Variants in ABAT observed in about 807,000 individuals in gnomAD.
The protein encoded by ABAT is 4-aminobutyrate aminotransferase, mitochondrial.
ABAT carries 45 observed loss-of-function variants against 64.6 expected under a neutral mutation model. The ratio of observed to expected loss-of-function variants is 0.70; its 90% CI spans 0.55 to 0.89. The LOEUF is 0.89. Ranked by LOEUF, ABAT falls within the 40% of genes least tolerant of loss-of-function variation. The probability of loss-of-function intolerance (pLI) is 0.00; values close to 1 mark genes in which losing one functional copy is unlikely to be tolerated. For missense variants in ABAT, 633 were observed against 658.4 expected, an observed-to-expected ratio of 0.96 and a Z score of 0.42; for synonymous variants, 297 against 250.5, an observed-to-expected ratio of 1.19 and a Z score of -1.75.
At position 8,750,436 on chromosome 16, in the gene ABAT, G is replaced by A. The variant is rs748877235; in HGVS notation, c.213G>A (p.Val71=). ...CTTTCTCCAAGAATGCAGAGGCTGT[G>A]CATTTTTTCTGCAATTACGAAGAGA... ...QLNIIQNAEA[V]HFFCNYEESR... is the part of the protein sequence containing the mutation. The change falls in exon 5 of 16, where the codon GTG becomes GTA. Residue 71 remains valine (V), a synonymous_variant. Coordinates refer to ENST00000268251, the MANE Select transcript of ABAT (RefSeq NM_020686.6). 1 of 1,614,124 alleles carries A rather than the reference G, an allele frequency of 6.2e-7. No individual in the cohort carries two copies. Among genetic ancestry groups the A allele is most frequent in the East Asian group, 2.2e-5 (1 of 44,868 alleles).
intron 3 of ABAT, among the ~76,000 whole-genome samples, chr16:8,746,641 A>G (rs2059338847): frequency 6.6e-6 from 1 of 151,804 alleles, no homozygotes; most frequent in Admixed American, 6.6e-5. Flanking sequence ...TCAACCTCTC[A>G]AAGTGTTGGG....
At chr16:8,775,517 C>T (rs1404830166) in intron 13 of ABAT, among the ~76,000 whole-genome samples, 1 of 151,932 alleles carries the variant, frequency 6.6e-6, no homozygotes, top group East Asian at 1.9e-4. Context: ...ACCCAGAGCC[C>T]ATACTCTTAC....
At chr16:8,677,927 C>T (rs1454844861) in intron 1 of ABAT, among the ~76,000 whole-genome samples, 1 of 152,020 alleles carries the variant, frequency 6.6e-6, no homozygotes, top group Non-Finnish European at 1.5e-5. Flanking sequence ...GTCATGGTGG[C>T]ATGCGCCTGT....
intron 1 of ABAT, among the ~76,000 whole-genome samples, chr16:8,695,919 G>C (rs1567273490): frequency 6.6e-6 from 1 of 152,196 alleles, no homozygotes; most frequent in Non-Finnish European, 1.5e-5. Flanking sequence ...GGGACTATGA[G>C]GGATCTCTGA....
chr16:8,735,822 G>C lies in ABAT; in HGVS notation c.70+13G>C. On this transcript the variant is annotated intron_variant, in intron 2 of 15. Transcript: ENST00000268251. ...CTGCTGGTGCCTGGTAAGCCCCGGG[G>C]GTCTTGATAAGAACTGGTACTAATG... 1 of 1,593,568 alleles carries C rather than the reference G, an allele frequency of 6.3e-7. No homozygotes were observed. Among genetic ancestry groups the C allele is most frequent in the Non-Finnish European group, 8.5e-7 (1 of 1,169,852 alleles).
chr16:8,732,280 G>A (rs978369066), intron 1 of ABAT, among the ~76,000 whole-genome samples: 6 of 145,528 alleles, frequency 4.1e-5, no homozygotes, highest in Admixed American at 2.0e-4. Context: ...GGGGGATTTG[G>A]CAGGGTCATA....
intron 2 of ABAT, among the ~76,000 whole-genome samples, chr16:8,737,940 G>A (rs1389370658): frequency 1.3e-4 from 1 of 7,502 alleles, no homozygotes; most frequent in African/African-American, 3.0e-4. Context: ...AAAAAGAAAG[G>A]AAAGGAAGAA....
At chr16:8,741,693 T>G (rs1465019352) in intron 2 of ABAT, among the ~76,000 whole-genome samples, 3 of 152,228 alleles carry the variant, frequency 2.0e-5, no homozygotes, top group African/African-American at 7.2e-5. Flanking sequence ...ATGTCATCAT[T>G]AAGAGAATAT....
intron 9 of ABAT, among the ~76,000 whole-genome samples, chr16:8,766,869 T>C (rs2059961217): frequency 6.6e-6 from 1 of 151,684 alleles, no homozygotes; most frequent in Non-Finnish European, 1.5e-5. Context: ...CTCGGGAGGC[T>C]GAGGCAGGAG....
At chr16:8,758,803 T>C (rs1346292418) in intron 6 of ABAT, among the ~76,000 whole-genome samples, 1 of 152,144 alleles carries the variant, frequency 6.6e-6, no homozygotes, top group Non-Finnish European at 1.5e-5. Context: ...TGCACATTTA[T>C]ACTAAAGAAT....
chr16:8,766,025 T>A (rs527867846), intron 8 of ABAT, 183 bp from the exon 9 acceptor site: 4 of 618,198 alleles, frequency 6.5e-6, no homozygotes, highest in Admixed American at 2.3e-5. Flanking sequence ...TGTTAGTTTC[T>A]TTTGTTGCGA....
chr16:8,678,096 T>A lies in ABAT; in HGVS notation c.-42+3385T>A, dbSNP rs557233305. 1.2e-4 allele frequency among the ~76,000 whole-genome samples: 18 copies of A among 152,272 alleles called. 1 individual carries two copies. The East Asian group carries it at 3.5e-3, about 29-fold the overall frequency. Reference sequence around the variant, plus strand: ...AAAATAAAAACCAAAAACAGCTTCTTTCTTGCACAAGCTCCTCGTTTTGGT... The same window carrying A: ...AAAATAAAAACCAAAAACAGCTTCTATCTTGCACAAGCTCCTCGTTTTGGT... On this transcript the variant is annotated intron_variant, in intron 1 of 15. Coordinates refer to ENST00000268251, the MANE Select transcript of ABAT (RefSeq NM_020686.6).
At chr16:8,723,364 G>T (rs1249618391) in intron 1 of ABAT, among the ~76,000 whole-genome samples, 2 of 152,142 alleles carry the variant, frequency 1.3e-5, no homozygotes, top group East Asian at 1.9e-4. Context: ...CTGGAACCCT[G>T]GGCACCCAGC....
chr16:8,747,978 G>A, intron 3 of ABAT, 130 bp from the exon 4 acceptor site: 2 of 813,390 alleles, frequency 2.5e-6, no homozygotes, highest in Non-Finnish European at 4.1e-6. Flanking sequence ...AAGTAATATG[G>A]TTGACTAATA....
rs568759222 is a variant in ABAT, at chr16:8,716,175, G to A, written c.-41-19524G>A. On this transcript the variant is annotated intron_variant, in intron 1 of 15. Coordinates refer to ENST00000268251, the MANE Select transcript of ABAT (RefSeq NM_020686.6). ...GGAGAAAACAGAGGCACAGCTAGTT[G>A]TAAGCCCAGGCCACATTATGCCCCC... 2.4e-4 allele frequency among the ~76,000 whole-genome samples: 36 copies of A among 152,266 alleles called. 1 individual carries two copies. In the South Asian group the frequency reaches 4.0e-3, roughly 17 times the overall value.
At chr16:8,675,920 C>A (rs913395104) in intron 1 of ABAT, among the ~76,000 whole-genome samples, 2 of 152,168 alleles carry the variant, frequency 1.3e-5, no homozygotes, top group African/African-American at 4.8e-5. Flanking sequence ...TGGTGGAATT[C>A]CCTGGGCACT....
At chr16:8,757,388 G>C (rs1465300483) in intron 5 of ABAT, 1 of 358,228 alleles carries the variant, frequency 2.8e-6, no homozygotes, top group Admixed American at 3.8e-5. Flanking sequence ...GGCTGGTCTG[G>C]AACTCCTGAC....
intron 1 of ABAT, among the ~76,000 whole-genome samples, chr16:8,728,982 A>T (rs944077439): frequency 6.6e-6 from 1 of 152,186 alleles, no homozygotes; most frequent in African/African-American, 2.4e-5. Context: ...TCTGTGAACT[A>T]CGTCATTTTT....
At chr16:8,718,697 G>A (rs1228324875) in intron 1 of ABAT, among the ~76,000 whole-genome samples, 1 of 152,156 alleles carries the variant, frequency 6.6e-6, no homozygotes, top group Non-Finnish European at 1.5e-5. Context: ...CAGGGGGCAG[G>A]GTTTTAGAGA....
Sources: gnomAD v4.1 joint callset for allele counts (sites outside exome capture counted in the v4.1 genomes callset) on GRCh38, gnomAD v4.1.1 for gene constraint, MANE v1.5 for transcripts, NCBI Gene and HGNC (gene_info 2026-07-23, HGNC 2026-07-21) for gene names.